The following ANGPT1 variants were observed in gnomAD, a reference collection of about 807,000 sequenced individuals.
The protein encoded by ANGPT1 is angiopoietin 1.
In ANGPT1, 17 loss-of-function variants were observed where a neutral mutation model predicts 62.2. The ratio of observed to expected loss-of-function variants is 0.27; its 90% confidence interval spans 0.19 to 0.41. The LOEUF is 0.41. Ranked by LOEUF, ANGPT1 falls within the 10% of genes least tolerant of loss-of-function variation. The pLI, the probability that ANGPT1 is intolerant of heterozygous loss-of-function variation, is 1.00. For synonymous variants in ANGPT1, 199 were observed against 198.9 expected (o/e 1.00, Z 0.00); for missense variants, 478 against 594.9 (o/e 0.80, Z 2.04).
intron 5 of ANGPT1, 65 bp from the exon 6 acceptor site, chr8:107,294,102 G>T: frequency 7.5e-7 from 1 of 1,339,784 alleles, no homozygotes; most frequent in Admixed American, 2.0e-5. Flanking sequence ...TATCCTACAT[G>T]TTTCAAAATA....
intron 1 of ANGPT1, among the ~76,000 whole-genome samples, chr8:107,423,827 CTTTTTTTTTTTTTTTT>C (rs869079818): frequency 8.1e-5 from 6 of 74,436 alleles, no homozygotes; most frequent in Admixed American, 2.1e-4. Flanking sequence ...CTTTTCCTTT[CTTTTTTTTTTTTTTTT>C]TTTTTTTTTT....
intron 1 of ANGPT1, among the ~76,000 whole-genome samples, chr8:107,428,663 C>T (rs1016490619): frequency 2.0e-5 from 3 of 148,646 alleles, no homozygotes; most frequent in South Asian, 4.3e-4. Context: ...TGTGTGTTTT[C>T]GAGTGCTATA....
chr8:107,277,344 A>G (rs1813890598), intron 7 of ANGPT1, among the ~76,000 whole-genome samples: 1 of 152,176 alleles, frequency 6.6e-6, no homozygotes, highest in Admixed American at 6.5e-5. Flanking sequence ...AGGCAGAAAA[A>G]TTTTTATATA....
chr8:107,459,243 A>G (rs1160563898), intron 1 of ANGPT1, among the ~76,000 whole-genome samples: 1 of 152,142 alleles, frequency 6.6e-6, no homozygotes, highest in Non-Finnish European at 1.5e-5. Context: ...TTTTCAGTCA[A>G]TAAAACAAAT....
intron 1 of ANGPT1, among the ~76,000 whole-genome samples, chr8:107,356,713 G>A (rs1170414908): frequency 6.6e-6 from 1 of 152,210 alleles, no homozygotes; most frequent in Admixed American, 6.5e-5. Context: ...GCTTGCTTAG[G>A]CAAGATGACT....
In ANGPT1 at chr8:107,445,731, G is replaced by A. The variant is rs181280768; in HGVS notation, c.297+51531C>T. On this transcript the variant is annotated intron_variant, in intron 1 of 8. Transcript: ENST00000517746. ...CAGAATCTATCAGAAAAATAGATAC[G>A]AGTAACACTGTGTAATCACACAATG... is the stretch of plus-strand genomic sequence containing the variant. 1.2e-4 allele frequency among the ~76,000 whole-genome samples: 19 copies of A among 152,068 alleles called. No individual in the cohort carries two copies. The East Asian group carries it at 2.3e-3, about 19-fold the overall frequency.
At chr8:107,378,283 A>G (rs1255735335) in intron 1 of ANGPT1, among the ~76,000 whole-genome samples, 1 of 152,174 alleles carries the variant, frequency 6.6e-6, no homozygotes. Context: ...ACTGCCTCTG[A>G]AAATGTCTAT....
chr8:107,310,676 C>T (rs1224823230), intron 4 of ANGPT1, among the ~76,000 whole-genome samples: 1 of 152,082 alleles, frequency 6.6e-6, no homozygotes, highest in Non-Finnish European at 1.5e-5. Flanking sequence ...AAAGTGAAGC[C>T]GTGACAGCCC....
rs34730744 is a variant in ANGPT1, at chr8:107,340,660, A to ATT, written c.454-4391_454-4390dup. 2.4e-3 allele frequency among the ~76,000 whole-genome samples: 349 copies of ATT among 142,750 alleles called. 1 individual carries two copies. Among genetic ancestry groups the ATT allele is most frequent in the African/African-American group, 5.9e-3 (226 of 38,626 alleles). The allele number at this position is 142,750 out of a possible 152,430, so 93.6% of individuals were successfully genotyped here. On this transcript the variant is annotated intron_variant, in intron 2 of 8. Transcript: ENST00000517746. Reference sequence around the variant, plus strand: ...TGAGGTGTGCCCAGCAATTGTTTGTATTTTTTTTTTTTTTGTAAAGACAGG... The same window carrying ATT: ...TGAGGTGTGCCCAGCAATTGTTTGTATTTTTTTTTTTTTTTTGTAAAGACAGG...
rs927603600 is a variant in ANGPT1, at chr8:107,312,063, C to CAA, written c.809-8698_809-8697dup. 4.8e-4 allele frequency among the ~76,000 whole-genome samples: 34 copies of CAA among 71,028 alleles called. No individual in the cohort carries two copies. In the East Asian group the frequency reaches 6.9e-3, roughly 14 times the overall value. The allele number at this position is 71,028 out of a possible 152,430, so 46.6% of individuals were successfully genotyped here. On this transcript the variant is annotated intron_variant, in intron 4 of 8. Transcript: ENST00000517746. ...TGGGCGACAGAGCGAGACTCCGTTT[C>CAA]AAAAAAAAAAAAAAAAAAAGAATGG...
chr8:107,486,615 T>C (rs957109853), intron 1 of ANGPT1, among the ~76,000 whole-genome samples: 1 of 152,198 alleles, frequency 6.6e-6, no homozygotes, highest in Admixed American at 6.5e-5. Flanking sequence ...ATGCTTGCAC[T>C]TAATAACTCT....
chr8:107,480,188 A>G (rs562651070), intron 1 of ANGPT1, among the ~76,000 whole-genome samples: 1 of 152,262 alleles, frequency 6.6e-6, no homozygotes, highest in East Asian at 1.9e-4. Context: ...TATAAAGGGG[A>G]GTCTTCAAAA....
Position 107,249,745 on chromosome 8 carries a change from A to C in ANGPT1, c.*2110T>G, listed in dbSNP as rs1813207103. On this transcript the variant is annotated 3_prime_UTR_variant, in exon 9 of 9. Transcript: ENST00000517746. Reference sequence around the variant, plus strand: ...TTCATTTCTCAAACCCAGACAACAAAACAGTAAATATCATGCTTTCTTTTT... The same window carrying C: ...TTCATTTCTCAAACCCAGACAACAACACAGTAAATATCATGCTTTCTTTTT... 1.3e-5 allele frequency: 2 copies of C among 152,156 alleles called. No homozygotes were observed. Among genetic ancestry groups the C allele is most frequent in the Non-Finnish European group, 2.9e-5 (2 of 67,990 alleles). 9.4% of individuals were successfully genotyped at this position (152,156 alleles called of 1,614,324 possible).
At chr8:107,326,010 A>G (rs1586225958) in intron 3 of ANGPT1, among the ~76,000 whole-genome samples, 2 of 152,198 alleles carry the variant, frequency 1.3e-5, no homozygotes, top group African/African-American at 2.4e-5. Context: ...AGGAATACAT[A>G]ATATGTATAA....
intron 2 of ANGPT1, chr8:107,336,659 T>C (rs1242645729): frequency 8.7e-6 from 1 of 115,382 alleles, no homozygotes; most frequent in African/African-American, 3.4e-5. Flanking sequence ...AGTAAGACTC[T>C]GTCTCAAAAA....
chr8:107,276,414 T>G (rs1359692942), intron 7 of ANGPT1, among the ~76,000 whole-genome samples: 1 of 152,154 alleles, frequency 6.6e-6, no homozygotes, highest in Admixed American at 6.6e-5. Flanking sequence ...TTCAACATAT[T>G]TGCTACTGGT....
At chr8:107,386,869 G>C (rs1437137838) in intron 1 of ANGPT1, among the ~76,000 whole-genome samples, 1 of 151,910 alleles carries the variant, frequency 6.6e-6, no homozygotes. Flanking sequence ...ATTCTCTTTT[G>C]GAATTAATAT....
At chr8:107,489,737 T>A (rs1812908885) in intron 1 of ANGPT1, among the ~76,000 whole-genome samples, 1 of 152,088 alleles carries the variant, frequency 6.6e-6, no homozygotes, top group Non-Finnish European at 1.5e-5. Flanking sequence ...AGGGGGCACA[T>A]CTTTTGTACA....
chr8:107,289,312 AT>A (rs1370723326), intron 6 of ANGPT1, among the ~76,000 whole-genome samples: 1 of 152,130 alleles, frequency 6.6e-6, no homozygotes, highest in Non-Finnish European at 1.5e-5. Flanking sequence ...GAAATGTTCA[AT>A]TTTGGTTTGT....
Sources: allele counts gnomAD v4.1 joint callset (sites outside exome capture counted in the v4.1 genomes callset), GRCh38; gene constraint gnomAD v4.1.1; transcripts MANE v1.5; gene names NCBI Gene and HGNC (gene_info 2026-07-23, HGNC 2026-07-21).